The following WWC2 variants were observed in gnomAD, a reference collection of about 807,000 sequenced individuals.
The protein encoded by WWC2 is protein WWC2.
A neutral mutation model predicts 138.5 loss-of-function variants in WWC2; 101 were observed. The ratio of observed to expected loss-of-function variants is 0.73; its 90% CI spans 0.62 to 0.86. The LOEUF is 0.86. Among genes scored for constraint, WWC2 ranks in the 40% least tolerant of loss-of-function variants. The pLI is 0.00. For missense variants in WWC2, 1,420 were observed against 1,419.4 expected (o/e 1.00, Z -0.01); for synonymous variants, 558 against 538.4 (o/e 1.04, Z -0.50).
At chr4:183,228,104 A>G (rs998234260) in intron 4 of WWC2, among the ~76,000 whole-genome samples, 4 of 152,056 alleles carry the variant, frequency 2.6e-5, no homozygotes, top group African/African-American at 7.3e-5. Flanking sequence ...CAGAAAAGTT[A>G]AAAGGACGGG....
At chr4:183,223,544 C>G (rs937358525) in intron 4 of WWC2, among the ~76,000 whole-genome samples, 32 of 152,090 alleles carry the variant, frequency 2.1e-4, no homozygotes, top group Non-Finnish European at 2.1e-4. Context: ...ACTACAATGC[C>G]ATTATTATTT....
intron 1 of WWC2, among the ~76,000 whole-genome samples, chr4:183,110,985 A>G (rs1469382968): frequency 3.9e-5 from 6 of 152,152 alleles, no homozygotes; most frequent in Non-Finnish European, 8.8e-5. Flanking sequence ...CACGCCTGTA[A>G]TCCTAGCACT....
At chr4:183,214,740 C>T (rs1200458449) in intron 4 of WWC2, among the ~76,000 whole-genome samples, 5 of 150,742 alleles carry the variant, frequency 3.3e-5, no homozygotes, top group Non-Finnish European at 5.9e-5. Flanking sequence ...TGCGGTGAGC[C>T]GAGATTGCAC....
At chr4:183,153,627 T>C (rs1410657107) in intron 1 of WWC2, among the ~76,000 whole-genome samples, 2 of 151,914 alleles carry the variant, frequency 1.3e-5, no homozygotes, top group African/African-American at 2.4e-5. Context: ...TAGTAAACAT[T>C]ATTGCCCTAG....
chr4:183,247,647 AC>A (rs1736833450), intron 6 of WWC2, among the ~76,000 whole-genome samples: 1 of 140,736 alleles, frequency 7.1e-6, no homozygotes, highest in Non-Finnish European at 1.5e-5. Flanking sequence ...TACTATATAT[AC>A]TATATACTAT....
intron 1 of WWC2, among the ~76,000 whole-genome samples, chr4:183,156,182 C>T (rs1266970701): frequency 1.3e-5 from 2 of 151,924 alleles, no homozygotes; most frequent in East Asian, 1.9e-4. Flanking sequence ...GCCGCTACCA[C>T]ACCTGGCTAA....
chr4:183,158,788 T>G (rs1250235834), intron 1 of WWC2, among the ~76,000 whole-genome samples: 1 of 152,118 alleles, frequency 6.6e-6, no homozygotes, highest in Non-Finnish European at 1.5e-5. Context: ...CCAGTAAACA[T>G]GGCACTTTAC....
intron 4 of WWC2, among the ~76,000 whole-genome samples, chr4:183,217,721 C>T (rs935730800): frequency 2.6e-5 from 4 of 151,888 alleles, no homozygotes; most frequent in African/African-American, 7.3e-5. Flanking sequence ...ATAGAAACTA[C>T]CGAAAATGAA....
At chr4:183,181,730 A>C (rs183695358) in intron 1 of WWC2, among the ~76,000 whole-genome samples, 1 of 152,250 alleles carries the variant, frequency 6.6e-6, no homozygotes, top group Non-Finnish European at 1.5e-5. Context: ...GTTATAAGAG[A>C]ATTTTCATCT....
chr4:183,156,762 A>G (rs1332877459), intron 1 of WWC2, among the ~76,000 whole-genome samples: 1 of 152,114 alleles, frequency 6.6e-6, no homozygotes, highest in African/African-American at 2.4e-5. Context: ...CTTTTTTCTT[A>G]TTTGGAAATA....
intron 1 of WWC2, among the ~76,000 whole-genome samples, chr4:183,167,678 A>G (rs1734163308): frequency 6.6e-6 from 1 of 152,180 alleles, no homozygotes; most frequent in South Asian, 2.1e-4. Flanking sequence ...AACAAAAAAC[A>G]TGGGTGATGG....
chr4:183,142,258 T>G (rs1733323629), intron 1 of WWC2, among the ~76,000 whole-genome samples: 1 of 152,184 alleles, frequency 6.6e-6, no homozygotes, highest in African/African-American at 2.4e-5. Context: ...CAATAAATGT[T>G]AAATATTGCT....
intron 21 of WWC2, among the ~76,000 whole-genome samples, chr4:183,311,482 G>C (rs11132175): frequency 0.74 from 112,659 of 152,052 alleles, 43,420 homozygotes; most frequent in Middle Eastern, 0.86. Flanking sequence ...GGGGCAGAGC[G>C]GGAAGGGCAG....
chr4:183,194,366 G>T (rs1735072088), intron 2 of WWC2, among the ~76,000 whole-genome samples: 2 of 152,144 alleles, frequency 1.3e-5, no homozygotes. Context: ...GTTTGTGTGT[G>T]TGTGTTTATA....
intron 1 of WWC2, among the ~76,000 whole-genome samples, chr4:183,121,344 A>AT (rs112326918): frequency 0.028 from 4,091 of 147,032 alleles, 87 homozygotes; most frequent in African/African-American, 0.058. Context: ...CAGATTTTGG[A>AT]TTTTTTTTTT....
intron 4 of WWC2, among the ~76,000 whole-genome samples, chr4:183,233,061 G>A (rs975867714): frequency 6.6e-6 from 1 of 150,432 alleles, no homozygotes; most frequent in Non-Finnish European, 1.5e-5. Flanking sequence ...GTGGACATAG[G>A]TTTCTATTTC....
chr4:183,209,946 A>G (rs985441694), intron 4 of WWC2, among the ~76,000 whole-genome samples: 2 of 152,238 alleles, frequency 1.3e-5, no homozygotes, highest in Middle Eastern at 3.4e-3. Context: ...CCTCATGAGC[A>G]CTGAGGGTTA....
At chr4:183,308,751 T>G (rs1257913130) in intron 21 of WWC2, among the ~76,000 whole-genome samples, 3 of 152,240 alleles carry the variant, frequency 2.0e-5, no homozygotes, top group Non-Finnish European at 4.4e-5. Context: ...ATAATTGTTA[T>G]GCTATATTTA....
intron 1 of WWC2, among the ~76,000 whole-genome samples, chr4:183,179,694 G>T (rs143070523): frequency 5.9e-4 from 89 of 152,132 alleles, no homozygotes; most frequent in African/African-American, 2.0e-3. Context: ...TCATGAGGGG[G>T]AAGTTAAAGC....
Sources: allele counts gnomAD v4.1 joint callset (sites outside exome capture counted in the v4.1 genomes callset), GRCh38; gene constraint gnomAD v4.1.1; transcripts MANE v1.5; gene names NCBI Gene and HGNC (gene_info 2026-07-23, HGNC 2026-07-21).